SPIRE1: variants seen among roughly 807,000 people sequenced by gnomAD.
SPIRE1 encodes the protein protein spire homolog 1.
Under a neutral mutation model 94.1 loss-of-function variants are expected in SPIRE1, and 40 were observed. The observed-to-expected ratio is 0.43, with a 90% CI of 0.33 to 0.55. The LOEUF (loss-of-function observed/expected upper bound fraction) is 0.55. SPIRE1 is among the 20% of genes least tolerant of loss of function. The pLI, the probability that SPIRE1 is intolerant of heterozygous loss-of-function variation, is 0.06. For missense variants in SPIRE1, 838 were observed against 975.2 expected (o/e 0.86, Z 1.87); for synonymous variants, 376 against 371.7 (o/e 1.01, Z -0.13).
intron 2 of SPIRE1, among the ~76,000 whole-genome samples, chr18:12,600,415 G>A (rs1214096559): frequency 5.9e-5 from 9 of 152,094 alleles, no homozygotes; most frequent in Non-Finnish European, 8.8e-5. Context: ...AGATTACTCC[G>A]GTATACTATT....
chr18:12,504,907 C>T (rs1221161835), intron 6 of SPIRE1, among the ~76,000 whole-genome samples: 1 of 152,136 alleles, frequency 6.6e-6, no homozygotes, highest in Non-Finnish European at 1.5e-5. Context: ...GGCAAAGGCT[C>T]TGTTACAGGA....
At chr18:12,512,891 C>T (rs969940252) in intron 4 of SPIRE1, among the ~76,000 whole-genome samples, 1 of 151,590 alleles carries the variant, frequency 6.6e-6, no homozygotes, top group Non-Finnish European at 1.5e-5. Flanking sequence ...CCCGGATGCT[C>T]TCCTTTCCTC....
intron 5 of SPIRE1, among the ~76,000 whole-genome samples, chr18:12,508,111 A>G (rs1598422366): frequency 6.6e-6 from 1 of 152,252 alleles, no homozygotes; most frequent in African/African-American, 2.4e-5. Context: ...GTGCCACTGC[A>G]CTCCAGCCTG....
chr18:12,604,906 T>G (rs1049411984), intron 2 of SPIRE1, among the ~76,000 whole-genome samples: 1 of 152,204 alleles, frequency 6.6e-6, no homozygotes, highest in Non-Finnish European at 1.5e-5. Flanking sequence ...CAATAAAATA[T>G]GATCCAGCCT....
intron 2 of SPIRE1, among the ~76,000 whole-genome samples, 160 bp downstream of exon 2, chr18:12,634,902 T>G (rs1380112784): frequency 6.8e-6 from 1 of 147,452 alleles, no homozygotes; most frequent in Admixed American, 6.9e-5. Context: ...GCCATTGTAC[T>G]CCAGCCTGGG....
intron 2 of SPIRE1, 25 bp downstream of exon 2, chr18:12,635,037 A>C (rs937622887): frequency 8.7e-6 from 12 of 1,382,576 alleles, no homozygotes; most frequent in Non-Finnish European, 1.2e-5. Flanking sequence ...TGCTTTACTA[A>C]GAAATATTTG....
intron 1 of SPIRE1, among the ~76,000 whole-genome samples, chr18:12,640,934 G>T (rs1013633320): frequency 2.0e-5 from 3 of 152,144 alleles, no homozygotes; most frequent in Non-Finnish European, 4.4e-5. Context: ...TTCCAGGTCA[G>T]TCTTGCTATA....
rs369268796 is a variant in SPIRE1, at chr18:12,593,966, T to G, written c.372+41096A>C. Among the ~76,000 whole-genome samples, 786 of 142,704 alleles carry G rather than the reference T, an allele frequency of 5.5e-3. 1 individual carries two copies. Among genetic ancestry groups the G allele is most frequent in the Non-Finnish European group, 8.2e-3 (536 of 65,638 alleles). 93.6% of individuals were successfully genotyped at this position (142,704 alleles called of 152,430 possible). A position where few individuals can be genotyped will look rare whatever the true frequency, so the allele number is the denominator to read the frequency against. On this transcript the variant is annotated intron_variant, in intron 2 of 16. Coordinates refer to ENST00000409402, the MANE Select transcript of SPIRE1 (RefSeq NM_001128626.2). ...ACGCTGTCTCAAGAAAAAAAAAAAA[T>G]AAGAAGAAGAAAGCATGCAATTAAA...
At chr18:12,485,933 T>A (rs751333077) in intron 9 of SPIRE1, 26 bp downstream of exon 9, 1 of 1,513,938 alleles carries the variant, frequency 6.6e-7, no homozygotes, top group Non-Finnish European at 8.9e-7. Context: ...CCACGTCAGG[T>A]GTAAAAGTGT....
At chr18:12,490,951 T>A (rs1043577749) in intron 8 of SPIRE1, among the ~76,000 whole-genome samples, 1 of 151,846 alleles carries the variant, frequency 6.6e-6, no homozygotes, top group African/African-American at 2.4e-5. Context: ...AAAAAAGAAA[T>A]AAAAGGCATC....
At chr18:12,606,847 A>T (rs754866636) in intron 2 of SPIRE1, among the ~76,000 whole-genome samples, 1 of 152,288 alleles carries the variant, frequency 6.6e-6, no homozygotes, top group African/African-American at 2.4e-5. Flanking sequence ...TTAAATTAAC[A>T]GTGTTAGTGC....
In SPIRE1 at chr18:12,446,751, A is replaced by G. The variant is rs972099384; in HGVS notation, c.*2887T>C. 4.6e-5 allele frequency: 7 copies of G among 152,172 alleles called. No homozygotes were observed. Among genetic ancestry groups the G allele is most frequent in the African/African-American group, 1.7e-4 (7 of 41,436 alleles). The allele number at this position is 152,172 out of a possible 1,614,324, so 9.4% of individuals were successfully genotyped here. On this transcript the variant is annotated 3_prime_UTR_variant, in exon 17 of 17. Coordinates refer to ENST00000409402, the MANE Select transcript of SPIRE1 (RefSeq NM_001128626.2). ...ACAGCAATAAACTTTTGTGTTTCCT[A>G]TATGACACCTAATATCCAGTCCTAC...
Position 12,618,312 on chromosome 18 carries a change from G to C in SPIRE1, c.372+16750C>G, listed in dbSNP as rs543935053. 2.0e-4 allele frequency among the ~76,000 whole-genome samples: 30 copies of C among 152,092 alleles called. No individual in the cohort carries two copies. The South Asian group carries it at 6.0e-3, about 31-fold the overall frequency. ...AGATGGAGTTTCCCCGTGTTAGCCA[G>C]GATGGTCTTGATTTCCTGACCTTGT... On this transcript the variant is annotated intron_variant, in intron 2 of 16. Transcript: ENST00000409402.
chr18:12,520,803 G>A (rs1217294371), intron 4 of SPIRE1, among the ~76,000 whole-genome samples: 2 of 152,166 alleles, frequency 1.3e-5, no homozygotes, highest in African/African-American at 4.8e-5. Flanking sequence ...GGCATGAGGT[G>A]AGGAATAGGC....
At chr18:12,551,782 A>G (rs1252942548) in intron 2 of SPIRE1, among the ~76,000 whole-genome samples, 1 of 152,136 alleles carries the variant, frequency 6.6e-6, no homozygotes, top group African/African-American at 2.4e-5. Context: ...TCAGCCCTGC[A>G]GGAACACCAA....
intron 12 of SPIRE1, among the ~76,000 whole-genome samples, chr18:12,457,255 T>C (rs1431272250): frequency 6.6e-6 from 1 of 152,232 alleles, no homozygotes; most frequent in Non-Finnish European, 1.5e-5. Flanking sequence ...TGTTTTAATT[T>C]TGGAGACTTC....
chr18:12,603,821 C>A (rs2144651727), intron 2 of SPIRE1, among the ~76,000 whole-genome samples: 1 of 152,234 alleles, frequency 6.6e-6, no homozygotes, highest in Admixed American at 6.5e-5. Flanking sequence ...GATCTGCCTG[C>A]CTTGGCCTCC....
At chr18:12,624,042 G>GCCTCC (rs1259720630) in intron 2 of SPIRE1, among the ~76,000 whole-genome samples, 2 of 151,288 alleles carry the variant, frequency 1.3e-5, no homozygotes, top group African/African-American at 4.9e-5. Flanking sequence ...TCCTGCCTCA[G>GCCTCC]CCTCCCGAGT....
intron 2 of SPIRE1, among the ~76,000 whole-genome samples, chr18:12,555,317 A>T (rs1275081708): frequency 6.6e-6 from 1 of 152,088 alleles, no homozygotes; most frequent in Non-Finnish European, 1.5e-5. Flanking sequence ...AAAAAAAAAA[A>T]AATTTTTTTT....
Sources: allele counts gnomAD v4.1 joint callset (sites outside exome capture counted in the v4.1 genomes callset), GRCh38; gene constraint gnomAD v4.1.1; transcripts MANE v1.5; gene names NCBI Gene and HGNC (gene_info 2026-07-23, HGNC 2026-07-21).